PAN3: variants seen among roughly 807,000 people sequenced by gnomAD.
PAN3 encodes the protein PAN2-PAN3 deadenylation complex subunit PAN3.
In PAN3, 19 loss-of-function variants were observed where a neutral mutation model predicts 96.2. The observed-to-expected ratio is 0.20, with a 90% confidence interval of 0.14 to 0.29. The LOEUF is 0.29. Ranked by LOEUF, PAN3 falls within the 10% of genes least tolerant of loss-of-function variation. The pLI is 1.00. For missense variants in PAN3, 882 were observed against 1,108.1 expected (o/e 0.80, Z 2.90); for synonymous variants, 433 against 406.6 (o/e 1.06, Z -0.78).
intron 1 of PAN3, among the ~76,000 whole-genome samples, chr13:28,164,562 G>A (rs987854231): frequency 2.0e-5 from 3 of 152,228 alleles, no homozygotes; most frequent in African/African-American, 4.8e-5. Flanking sequence ...GATGTTCCAT[G>A]TAGAAAGGGT....
Position 28,167,233 on chromosome 13 carries a change from C to G in PAN3, c.431-7039C>G, listed in dbSNP as rs557030249. Among the ~76,000 whole-genome samples the G allele has an allele frequency of 2.3e-3, 356 of 151,872 alleles. 1 individual carries two copies. Among genetic ancestry groups the G allele is most frequent in the African/African-American group, 8.2e-3 (341 of 41,428 alleles). On this transcript the variant is annotated intron_variant, in intron 1 of 18. Coordinates refer to ENST00000380958, the MANE Select transcript of PAN3 (RefSeq NM_175854.8). ...TTATTTTGAGACAGAGTCTCTGTTG[C>G]CCAGGCTAGAGTGCAGTGGCACAAT... is the stretch of plus-strand genomic sequence containing the variant.
chr13:28,197,136 G>C, intron 4 of PAN3, 49 bp from the exon 5 acceptor site: 1 of 1,581,980 alleles, frequency 6.3e-7, no homozygotes, highest in Non-Finnish European at 8.6e-7. Flanking sequence ...GTTTAGATTA[G>C]TGTGGGGGAT....
intron 1 of PAN3, among the ~76,000 whole-genome samples, chr13:28,169,048 T>A (rs968051881): frequency 1.3e-5 from 2 of 151,646 alleles, no homozygotes; most frequent in Non-Finnish European, 2.9e-5. Flanking sequence ...AAACTATTAG[T>A]CCATGGAAAC....
Position 28,166,180 on chromosome 13 carries a change from T to C in PAN3, c.431-8092T>C, listed in dbSNP as rs556450336. On this transcript the variant is annotated intron_variant, in intron 1 of 18. Coordinates refer to ENST00000380958, the MANE Select transcript of PAN3 (RefSeq NM_175854.8). Reference sequence around the variant, plus strand: ...CTCAAGGTATTCATCCTAAGGCAAATTGCTCTCCAGCTATGAGCCTGTGAA... The same window carrying C: ...CTCAAGGTATTCATCCTAAGGCAAACTGCTCTCCAGCTATGAGCCTGTGAA... Among the ~76,000 whole-genome samples, 80 of 152,266 alleles carry C rather than the reference T, an allele frequency of 5.3e-4. 1 individual carries two copies. The highest frequency in any genetic ancestry group is 5.0e-3 in the Admixed American group (76 of 15,300).
chr13:28,230,347 C>T (rs527964913), intron 6 of PAN3, among the ~76,000 whole-genome samples: 1 of 151,664 alleles, frequency 6.6e-6, no homozygotes, highest in African/African-American at 2.4e-5. Flanking sequence ...TTTCAAAATA[C>T]TTAGGAAATG....
chr13:28,209,280 C>A (rs1879750820), intron 5 of PAN3, among the ~76,000 whole-genome samples: 1 of 152,054 alleles, frequency 6.6e-6, no homozygotes, highest in Non-Finnish European at 1.5e-5. Context: ...CAAAAATGTC[C>A]CTAGCCAGGT....
chr13:28,200,195 T>C (rs892621194), intron 5 of PAN3, among the ~76,000 whole-genome samples: 2 of 152,256 alleles, frequency 1.3e-5, no homozygotes, highest in Admixed American at 6.5e-5. Context: ...ACTGAATTTC[T>C]GCAGGACAGC....
intron 1 of PAN3, among the ~76,000 whole-genome samples, chr13:28,157,987 T>C (rs1336682556): frequency 6.6e-6 from 1 of 152,122 alleles, no homozygotes; most frequent in Non-Finnish European, 1.5e-5. Flanking sequence ...GTGGTACAGG[T>C]ACAAAAACAG....
intron 14 of PAN3, among the ~76,000 whole-genome samples, chr13:28,276,772 T>A (rs909078816): frequency 6.6e-6 from 1 of 152,248 alleles, no homozygotes; most frequent in Non-Finnish European, 1.5e-5. Context: ...TCCCACTATA[T>A]TCTGGGAGTT....
rs866482242 is a variant in PAN3, at chr13:28,247,343, G to A, written c.1001-8949G>A. Among the ~76,000 whole-genome samples the A allele has an allele frequency of 2.4e-4, 36 of 151,676 alleles. No homozygotes were observed. The East Asian group carries it at 3.7e-3, about 16-fold the overall frequency. The stretch of plus-strand genomic sequence containing the variant: ...TCTTTATACTAATCATCAATTTCCC[G>A]ATGAAGGGATAGTGTGCATATATAT... On this transcript the variant is annotated intron_variant, in intron 6 of 18. Transcript: ENST00000380958.
intron 5 of PAN3, chr13:28,214,502 A>T (rs1217722716): frequency 7.7e-6 from 2 of 261,098 alleles, no homozygotes; most frequent in Non-Finnish European, 1.5e-5. Context: ...CATGAAAACT[A>T]CCCCTAACAG....
At chr13:28,232,655 A>C (rs1418827892) in intron 6 of PAN3, 1 of 152,050 alleles carries the variant, frequency 6.6e-6, no homozygotes, top group African/African-American at 2.4e-5. Context: ...AAAATTTATA[A>C]AATACTGTAT....
intron 18 of PAN3, among the ~76,000 whole-genome samples, chr13:28,288,579 A>G (rs952730356): frequency 1.3e-5 from 2 of 152,220 alleles, no homozygotes; most frequent in African/African-American, 4.8e-5. Context: ...GGCGTGAGCC[A>G]CTGCGCCTGG....
chr13:28,223,587 G>C (rs1322217756), intron 6 of PAN3, among the ~76,000 whole-genome samples: 1 of 151,574 alleles, frequency 6.6e-6, no homozygotes, highest in East Asian at 1.9e-4. Flanking sequence ...TTTTGAGACG[G>C]AGTTTTGCTC....
chr13:28,257,675 G>A (rs1885256826), intron 7 of PAN3, among the ~76,000 whole-genome samples: 1 of 115,078 alleles, frequency 8.7e-6, no homozygotes, highest in Non-Finnish European at 1.9e-5. Context: ...TATATGTAAA[G>A]TTATTAAATT....
rs45591336 is a variant in PAN3, at chr13:28,267,042, A to G, written c.1574-53A>G. 2,780 of 1,482,240 alleles carry G rather than the reference A, an allele frequency of 1.9e-3. 40 individuals carry two copies. In the African/African-American group the frequency reaches 0.035, roughly 19 times the overall value. 91.8% of individuals were successfully genotyped at this position (1,482,240 alleles called of 1,614,324 possible). On this transcript the variant is annotated intron_variant, in intron 10 of 18. Transcript: ENST00000380958. ...GCAATTTTTTTCCATTTCTGATGGA[A>G]TATGAAGGAGACGTCAATTAGAGTT... is the stretch of plus-strand genomic sequence containing the variant.
intron 6 of PAN3, among the ~76,000 whole-genome samples, chr13:28,244,429 A>G (rs1195001925): frequency 2.0e-5 from 3 of 152,112 alleles, no homozygotes; most frequent in African/African-American, 4.8e-5. Context: ...CTATATAACC[A>G]TCTGTTTGTT....
At chr13:28,157,729 C>A (rs770462068) in intron 1 of PAN3, among the ~76,000 whole-genome samples, 27 of 152,116 alleles carry the variant, frequency 1.8e-4, no homozygotes, top group Non-Finnish European at 3.4e-4. Flanking sequence ...CAAAAACATT[C>A]GATGCTCATG....
At chr13:28,163,086 C>G (rs1873087589) in intron 1 of PAN3, among the ~76,000 whole-genome samples, 1 of 151,806 alleles carries the variant, frequency 6.6e-6, no homozygotes. Context: ...CTCTGTCACC[C>G]AGGCTGTAGT....
Sources: allele counts gnomAD v4.1 joint callset (sites outside exome capture counted in the v4.1 genomes callset), GRCh38; gene constraint gnomAD v4.1.1; transcripts MANE v1.5; gene names NCBI Gene and HGNC (gene_info 2026-07-23, HGNC 2026-07-21).